DAB1: variants seen among roughly 807,000 people sequenced by gnomAD.
The protein encoded by DAB1 is DAB adaptor protein 1, also known as disabled homolog 1.
DAB1 carries 15 observed loss-of-function variants against 64.6 expected under a neutral mutation model. The ratio of observed to expected loss-of-function variants is 0.23; its 90% CI spans 0.16 to 0.36. The LOEUF (loss-of-function observed/expected upper bound fraction) is 0.36. DAB1 is among the 10% of genes least tolerant of loss of function. The pLI is 1.00. For synonymous variants in DAB1, 235 were observed against 251.9 expected (o/e 0.93, Z 0.64); for missense variants, 596 against 706.7 (o/e 0.84, Z 1.78).
At chr1:58,433,593 G>A (rs1644904396) in intron 3 of DAB1, among the ~76,000 whole-genome samples, 1 of 83,014 alleles carries the variant, frequency 1.2e-5, no homozygotes, top group South Asian at 4.0e-4. Flanking sequence ...GAGAGAGAGA[G>A]AGAGTGTGTG....
At chr1:57,571,339 T>C (rs1645191772) in intron 7 of DAB1, among the ~76,000 whole-genome samples, 1 of 152,162 alleles carries the variant, frequency 6.6e-6, no homozygotes, top group African/African-American at 2.4e-5. Flanking sequence ...TTCAGCCCCC[T>C]GTGTTCTCCC....
At position 57,736,032 on chromosome 1, in the gene DAB1, T is replaced by A. The variant is rs145097803; in HGVS notation, n.552-86367A>T. Among the ~76,000 whole-genome samples the A allele has an allele frequency of 3.8e-3, 572 of 152,272 alleles. 2 individuals are homozygous for A. Among genetic ancestry groups the A allele is most frequent in the Non-Finnish European group, 6.2e-3 (424 of 68,020 alleles). On this transcript the variant is annotated intron_variant and non_coding_transcript_variant, in intron 6 of 20. Coordinates refer to the DAB1 transcript ENST00000485760. The stretch of plus-strand genomic sequence containing the variant: ...CAAATGCCACCCATCTGTACAGATA[T>A]CAATATCTAAGTTTAAAAAAAAGAA...
intron 5 of DAB1, among the ~76,000 whole-genome samples, chr1:57,933,506 T>C (rs1644982222): frequency 6.6e-6 from 1 of 152,246 alleles, no homozygotes; most frequent in African/African-American, 2.4e-5. Flanking sequence ...TGTGTAATGC[T>C]TCTTTCACTC....
chr1:57,331,561 C>T (rs141734811), intron 1 of DAB1, among the ~76,000 whole-genome samples: 213 of 152,324 alleles, frequency 1.4e-3, no homozygotes, highest in African/African-American at 4.8e-3. Flanking sequence ...TCCTGACACC[C>T]TTCTCTTTAA....
At chr1:57,545,622 C>T (rs1227565388) in intron 7 of DAB1, among the ~76,000 whole-genome samples, 1 of 152,198 alleles carries the variant, frequency 6.6e-6, no homozygotes, top group Non-Finnish European at 1.5e-5. Flanking sequence ...GAAGACAGAA[C>T]AAGTAATGAT....
chr1:58,267,351 G>A (rs553713341), intron 4 of DAB1, among the ~76,000 whole-genome samples: 5 of 152,230 alleles, frequency 3.3e-5, no homozygotes, highest in Admixed American at 1.3e-4. Flanking sequence ...AAGTGTCACC[G>A]GGGTTCTTTC....
chr1:58,350,920 G>C (rs1245380252), intron 3 of DAB1, among the ~76,000 whole-genome samples: 1 of 152,132 alleles, frequency 6.6e-6, no homozygotes, highest in African/African-American at 2.4e-5. Context: ...TTTTTGCTTA[G>C]GTTTGTCTTG....
chr1:57,116,859 T>C (rs748261831), intron 4 of DAB1, among the ~76,000 whole-genome samples: 1 of 152,334 alleles, frequency 6.6e-6, no homozygotes, highest in East Asian at 1.9e-4. Flanking sequence ...TATGAATTAA[T>C]AGGAGCACCA....
At chr1:57,192,712 C>T (rs757473583) in intron 2 of DAB1, among the ~76,000 whole-genome samples, 1 of 152,206 alleles carries the variant, frequency 6.6e-6, no homozygotes, top group Non-Finnish European at 1.5e-5. Context: ...GGCACAGCAA[C>T]ATCGATGACA....
At chr1:57,451,980 A>G (rs1170995621) in intron 7 of DAB1, among the ~76,000 whole-genome samples, 1 of 151,974 alleles carries the variant, frequency 6.6e-6, no homozygotes, top group Non-Finnish European at 1.5e-5. Context: ...CCACTTTTTC[A>G]TTCATTATTG....
intron 4 of DAB1, among the ~76,000 whole-genome samples, chr1:57,108,455 C>T (rs1037622777): frequency 6.6e-6 from 1 of 152,196 alleles, no homozygotes; most frequent in Non-Finnish European, 1.5e-5. Flanking sequence ...TATCCTGAAC[C>T]TCTAACCAGG....
chr1:58,305,617 TA>T (rs956188987), intron 4 of DAB1, among the ~76,000 whole-genome samples: 10 of 90,298 alleles, frequency 1.1e-4, no homozygotes, highest in Admixed American at 2.6e-4. Context: ...TGCAAAGAAA[TA>T]AAGTTATCAG....
At chr1:58,422,207 G>A (rs773053068) in intron 3 of DAB1, among the ~76,000 whole-genome samples, 5 of 151,728 alleles carry the variant, frequency 3.3e-5, no homozygotes, top group African/African-American at 9.7e-5. Flanking sequence ...ATAATATCAC[G>A]CCTAACTTAC....
chr1:58,318,209 C>T (rs999240811), intron 4 of DAB1, among the ~76,000 whole-genome samples: 1 of 152,260 alleles, frequency 6.6e-6, no homozygotes, highest in Admixed American at 6.5e-5. Context: ...ATGCTAACCG[C>T]ACCTCATTCC....
At chr1:57,228,903 T>C (rs1166859253) in intron 2 of DAB1, among the ~76,000 whole-genome samples, 2 of 152,200 alleles carry the variant, frequency 1.3e-5, no homozygotes, top group Non-Finnish European at 2.9e-5. Context: ...AATAAACTAC[T>C]TACATCAACA....
chr1:58,229,675 G>A (rs1659683720), intron 4 of DAB1, among the ~76,000 whole-genome samples: 1 of 152,128 alleles, frequency 6.6e-6, no homozygotes, highest in African/African-American at 2.4e-5. Flanking sequence ...ACTTGCAGAG[G>A]GGTCATGGGG....
At chr1:58,486,593 C>T (rs1293030011) in intron 3 of DAB1, among the ~76,000 whole-genome samples, 1 of 152,094 alleles carries the variant, frequency 6.6e-6, no homozygotes, top group Non-Finnish European at 1.5e-5. Flanking sequence ...ACTATGGATA[C>T]AGCAGTGTAC....
Position 57,422,222 on chromosome 1 carries a change from T to C in DAB1, c.-137+1708A>G, listed in dbSNP as rs1392518999. On this transcript the variant is annotated intron_variant, in intron 1 of 14. Coordinates refer to ENST00000371236, the MANE Select transcript of DAB1 (RefSeq NM_001365792.1). ...TAGTGGAACCCCCACACAGCCTTTA[T>C]TCAAAACTATCAACACTGTTAAAGT... is the stretch of plus-strand genomic sequence containing the variant. Among the ~76,000 whole-genome samples, 5 of 152,194 alleles carry C rather than the reference T, an allele frequency of 3.3e-5. No individual in the cohort carries two copies. The East Asian group carries it at 9.6e-4, about 29-fold the overall frequency.
chr1:57,812,768 G>T (rs1651688488), intron 6 of DAB1, among the ~76,000 whole-genome samples: 1 of 152,184 alleles, frequency 6.6e-6, no homozygotes, highest in Non-Finnish European at 1.5e-5. Context: ...TCAGCAAAAG[G>T]TTTTCCTATT....
Sources: gnomAD v4.1 joint callset for allele counts (sites outside exome capture counted in the v4.1 genomes callset) on GRCh38, gnomAD v4.1.1 for gene constraint, MANE v1.5 for transcripts, NCBI Gene and HGNC (gene_info 2026-07-23, HGNC 2026-07-21) for gene names.